DTWD2: variants seen among roughly 807,000 people sequenced by gnomAD.
DTWD2 encodes DTW motif tRNA-uridine aminocarboxypropyltransferase 2.
DTWD2 carries 39 observed loss-of-function variants against 31.8 expected under a neutral mutation model. The ratio of observed to expected loss-of-function variants is 1.22; its 90% CI spans 0.95 to 1.60. DTWD2 has a LOEUF of 1.60. Among genes scored for constraint, DTWD2 ranks in the 40% most tolerant of loss-of-function variants. The pLI is 0.00. For synonymous variants in DTWD2, 180 were observed against 142.8 expected, an observed-to-expected ratio of 1.26 and a Z score of -1.86; for missense variants, 515 against 381.5, an observed-to-expected ratio of 1.35 and a Z score of -2.92.
At chr5:118,905,180 A>C (rs1478606603) in intron 4 of DTWD2, among the ~76,000 whole-genome samples, 1 of 152,134 alleles carries the variant, frequency 6.6e-6, no homozygotes, top group African/African-American at 2.4e-5. Context: ...CCCACATTTG[A>C]TTTGTTAAAA....
At chr5:118,986,563 G>A (rs1180224844) in intron 1 of DTWD2, among the ~76,000 whole-genome samples, 2 of 152,042 alleles carry the variant, frequency 1.3e-5, no homozygotes, top group Non-Finnish European at 2.9e-5. Context: ...TCAAATCTAA[G>A]AATGCATTTT....
Position 118,839,185 on chromosome 5 carries a change from A to T in DTWD2, c.*1732T>A, listed in dbSNP as rs1418781101. ...TCAAATAATAATAATAATAATAATA[A>T]TGACTAAAAGAAACTCATGAAGTTT... On this transcript the variant is annotated 3_prime_UTR_variant, in exon 6 of 6. Transcript: ENST00000510708. The T allele has an allele frequency of 6.6e-6, 1 of 151,820 alleles. No individual in the cohort carries two copies. Among genetic ancestry groups the T allele is most frequent in the Non-Finnish European group, 1.5e-5 (1 of 67,996 alleles). The allele number at this position is 151,820 out of a possible 1,614,324, so 9.4% of individuals were successfully genotyped here.
intron 1 of DTWD2, among the ~76,000 whole-genome samples, chr5:118,959,933 TAA>T (rs938669284): frequency 3.3e-5 from 5 of 152,138 alleles, no homozygotes; most frequent in African/African-American, 1.2e-4. Context: ...ACACCATATA[TAA>T]AAGTCAATCA....
chr5:118,918,828 GAA>G (rs77545480), intron 4 of DTWD2, among the ~76,000 whole-genome samples: 6 of 124,654 alleles, frequency 4.8e-5, no homozygotes, highest in Admixed American at 8.3e-5. Context: ...TCTCTACCAG[GAA>G]AAAAAAAAAA....
At chr5:118,925,424 T>C (rs1439051180) in intron 4 of DTWD2, among the ~76,000 whole-genome samples, 1 of 152,178 alleles carries the variant, frequency 6.6e-6, no homozygotes, top group Non-Finnish European at 1.5e-5. Flanking sequence ...CATAAACTTA[T>C]TCAAAATAGC....
chr5:118,957,442 G>A (rs1213031251), intron 1 of DTWD2, among the ~76,000 whole-genome samples: 4 of 151,900 alleles, frequency 2.6e-5, no homozygotes, highest in South Asian at 2.1e-4. Flanking sequence ...GGTTGGTCTC[G>A]AACTCCTGAC....
chr5:118,958,766 G>T (rs759389063), intron 1 of DTWD2, among the ~76,000 whole-genome samples: 30 of 152,168 alleles, frequency 2.0e-4, no homozygotes, highest in Middle Eastern at 3.4e-3. Flanking sequence ...GATCAAGTAG[G>T]TTTTATCCCT....
intron 4 of DTWD2, among the ~76,000 whole-genome samples, chr5:118,916,244 T>C (rs1056652390): frequency 6.6e-6 from 1 of 152,228 alleles, no homozygotes; most frequent in South Asian, 2.1e-4. Flanking sequence ...TTCTAGTGTT[T>C]ACCGTCACAT....
intron 4 of DTWD2, among the ~76,000 whole-genome samples, chr5:118,879,996 G>A (rs566135902): frequency 6.6e-5 from 10 of 152,196 alleles, no homozygotes; most frequent in East Asian, 3.9e-4. Context: ...TCTGCAAAGC[G>A]CGATAGAGTG....
At chr5:118,933,768 T>C (rs774543918) in intron 3 of DTWD2, among the ~76,000 whole-genome samples, 4 of 151,844 alleles carry the variant, frequency 2.6e-5, no homozygotes, top group South Asian at 2.1e-4. Flanking sequence ...TCCCTAGCTA[T>C]TGAAATAAGA....
Position 118,836,970 on chromosome 5 carries a change from G to A in DTWD2, c.*3947C>T, listed in dbSNP as rs971948841. 6.6e-6 allele frequency among the ~76,000 whole-genome samples: 1 copy of A among 152,022 alleles called. No individual in the cohort carries two copies. Among genetic ancestry groups the A allele is most frequent in the Admixed American group, 6.6e-5 (1 of 15,250 alleles). The stretch of plus-strand genomic sequence containing the variant: ...TGATCAGCACGGTGTAAAAAGTCAG[G>A]GATTTCCAGATTTCCTGAATAATTT... On this transcript the variant is annotated 3_prime_UTR_variant, in exon 6 of 6. Coordinates refer to ENST00000510708, the MANE Select transcript of DTWD2 (RefSeq NM_173666.4).
At chr5:118,938,133 T>C (rs1024654903) in intron 3 of DTWD2, among the ~76,000 whole-genome samples, 1 of 152,164 alleles carries the variant, frequency 6.6e-6, no homozygotes, top group African/African-American at 2.4e-5. Flanking sequence ...TCCACAGAGT[T>C]TGGGACCAAG....
At chr5:118,880,183 T>C (rs566946459) in intron 4 of DTWD2, among the ~76,000 whole-genome samples, 1 of 152,230 alleles carries the variant, frequency 6.6e-6, no homozygotes, top group Non-Finnish European at 1.5e-5. Flanking sequence ...TTTTCTGTTG[T>C]GAACAATAAT....
intron 3 of DTWD2, among the ~76,000 whole-genome samples, chr5:118,931,349 T>C (rs1234501954): frequency 6.9e-6 from 1 of 145,306 alleles, no homozygotes; most frequent in African/African-American, 2.6e-5. Flanking sequence ...GAGTGAACCA[T>C]GATTGTGCCA....
At chr5:118,918,368 C>T (rs1753626358) in intron 4 of DTWD2, among the ~76,000 whole-genome samples, 1 of 151,008 alleles carries the variant, frequency 6.6e-6, no homozygotes. Context: ...GCTCTGTTGC[C>T]CAGGCTAGAG....
intron 2 of DTWD2, among the ~76,000 whole-genome samples, chr5:118,939,666 G>C (rs1296293230): frequency 6.6e-6 from 1 of 152,100 alleles, no homozygotes; most frequent in Non-Finnish European, 1.5e-5. Flanking sequence ...TAATTGCCTA[G>C]ATCTTTATGC....
chr5:118,956,646 G>A (rs1255458708), intron 1 of DTWD2, among the ~76,000 whole-genome samples: 1 of 152,050 alleles, frequency 6.6e-6, no homozygotes, highest in Non-Finnish European at 1.5e-5. Context: ...TTTTAATCAA[G>A]GTGATTCAAA....
chr5:118,923,034 C>CT (rs35932906), intron 4 of DTWD2, among the ~76,000 whole-genome samples: 7 of 148,028 alleles, frequency 4.7e-5, no homozygotes, highest in South Asian at 4.3e-4. Context: ...ATTCAATAAG[C>CT]TTTTTTTTTT....
intron 1 of DTWD2, among the ~76,000 whole-genome samples, chr5:118,978,381 T>C (rs901003592): frequency 1.1e-4 from 17 of 152,182 alleles, no homozygotes; most frequent in African/African-American, 2.9e-4. Context: ...ATAAATGGGA[T>C]CTAATTAAAC....
Sources: allele counts gnomAD v4.1 joint callset (sites outside exome capture counted in the v4.1 genomes callset), GRCh38; gene constraint gnomAD v4.1.1; transcripts MANE v1.5; gene names NCBI Gene and HGNC (gene_info 2026-07-23, HGNC 2026-07-21).